TNFAIP6: variants seen among roughly 807,000 people sequenced by gnomAD.
TNFAIP6 encodes tumor necrosis factor-inducible gene 6 protein.
TNFAIP6 carries 36 observed loss-of-function variants against 33.7 expected under a neutral mutation model. That is an observed-to-expected ratio of 1.07 (90% CI 0.82 to 1.41). The LOEUF (loss-of-function observed/expected upper bound fraction) is 1.41, where lower values mean the gene tolerates loss of function less well. Among genes scored for constraint, TNFAIP6 ranks in the 40% most tolerant of loss-of-function variants. The probability of loss-of-function intolerance (pLI) is 0.00; values close to 1 mark genes in which losing one functional copy is unlikely to be tolerated. For missense variants in TNFAIP6, 273 were observed against 331.9 expected, an observed-to-expected ratio of 0.82 and a Z score of 1.38; for synonymous variants, 113 against 112.8, an observed-to-expected ratio of 1.00 and a Z score of -0.01.
chr2:151,362,146 A>G (rs914767593), intron 1 of TNFAIP6, among the ~76,000 whole-genome samples: 1 of 152,252 alleles, frequency 6.6e-6, no homozygotes, highest in Non-Finnish European at 1.5e-5. Flanking sequence ...TAGAACTATT[A>G]GAGCTAACTA....
chr2:151,379,443 T>C lies in TNFAIP6; in HGVS notation c.744T>C (p.Asp248=), dbSNP rs759178176. 4 of 1,608,596 alleles carry C rather than the reference T, an allele frequency of 2.5e-6. No individual in the cohort carries two copies. The South Asian group carries it at 3.3e-5, about 13-fold the overall frequency. Residue 248 remains aspartate, a synonymous_variant, in exon 6 of 6, where the codon GAT becomes GAC. Coordinates refer to ENST00000243347, the MANE Select transcript of TNFAIP6 (RefSeq NM_007115.4). ...GGFQIKYVAM[D]PVSKSSQGKN... is the part of the protein sequence containing the mutation. Reference sequence around the variant, plus strand: ...TCCAAATCAAATATGTTGCAATGGATCCTGTATCCAAATCCAGTCAAGGAA... The same window carrying C: ...TCCAAATCAAATATGTTGCAATGGACCCTGTATCCAAATCCAGTCAAGGAA...
intron 2 of TNFAIP6, among the ~76,000 whole-genome samples, chr2:151,364,381 C>T (rs1684677868): frequency 6.6e-6 from 1 of 152,120 alleles, no homozygotes; most frequent in Non-Finnish European, 1.5e-5. Context: ...AATGCCATTG[C>T]TATTCTTTTT....
chr2:151,378,772 A>T (rs1684963133), intron 5 of TNFAIP6, among the ~76,000 whole-genome samples: 2 of 148,958 alleles, frequency 1.3e-5, no homozygotes, highest in Admixed American at 1.3e-4. Context: ...TACAGGCGTG[A>T]CCCACCAGGC....
intron 5 of TNFAIP6, among the ~76,000 whole-genome samples, chr2:151,378,492 T>C (rs1228509017): frequency 4.0e-5 from 4 of 99,390 alleles, no homozygotes; most frequent in African/African-American, 1.7e-4. Context: ...GAGTATCTTC[T>C]TTTTTTTTTT....
At chr2:151,377,475 G>GTGTT (rs5835362) in intron 5 of TNFAIP6, among the ~76,000 whole-genome samples, 76 of 151,034 alleles carry the variant, frequency 5.0e-4, no homozygotes, top group Admixed American at 2.2e-3. Context: ...GGCCATTTTT[G>GTGTT]TGTTTGTTTG....
chr2:151,369,944 G>C (rs1419678195), intron 3 of TNFAIP6, 76 bp from the exon 4 acceptor site: 4 of 1,140,426 alleles, frequency 3.5e-6, no homozygotes, highest in Admixed American at 2.2e-5. Context: ...AGATTGCTAA[G>C]AAATGTCATT....
At chr2:151,360,668 C>G in intron 1 of TNFAIP6, among the ~76,000 whole-genome samples, 1 of 152,084 alleles carries the variant, frequency 6.6e-6, no homozygotes, top group Non-Finnish European at 1.5e-5. Flanking sequence ...GTACATACTC[C>G]AAGAGTTCTC....
intron 1 of TNFAIP6, among the ~76,000 whole-genome samples, chr2:151,359,534 A>G (rs28575212): frequency 0.18 from 27,953 of 151,592 alleles, 2,981 homozygotes; most frequent in African/African-American, 0.3. Flanking sequence ...GACTACAGGC[A>G]CCCGCCACCA....
chr2:151,380,220 AT>A (rs997333247), downstream of TNFAIP6, among the ~76,000 whole-genome samples: 28 of 151,506 alleles, frequency 1.8e-4, no homozygotes, highest in Admixed American at 6.6e-4. Context: ...TTTTTTGTTA[AT>A]TTTTTTTGTG....
chr2:151,366,282 A>G, intron 3 of TNFAIP6, 65 bp downstream of exon 3: 1 of 1,437,244 alleles, frequency 7.0e-7, no homozygotes, highest in Non-Finnish European at 9.5e-7. Context: ...AGGTTGTTAA[A>G]AAAGAAATGG....
At chr2:151,371,035 C>T (rs550946445) in intron 4 of TNFAIP6, among the ~76,000 whole-genome samples, 17 of 151,654 alleles carry the variant, frequency 1.1e-4, no homozygotes, top group African/African-American at 3.9e-4. Flanking sequence ...TGCACCACTG[C>T]ACTCTAGCCT....
intron 3 of TNFAIP6, among the ~76,000 whole-genome samples, chr2:151,367,505 C>T (rs1023548481): frequency 3.3e-5 from 5 of 152,066 alleles, no homozygotes; most frequent in Non-Finnish European, 7.4e-5. Flanking sequence ...ATTCTTCTTT[C>T]ACTTGATAAA....
rs1197621854 is a variant in TNFAIP6, at chr2:151,367,187, A to G, written c.394+970A>G. The stretch of plus-strand genomic sequence containing the variant: ...TTTCTCATGTCTGTAACTAACCTAT[A>G]TCTCAAAATTATGTGTAGTCCAAGT... On this transcript the variant is annotated intron_variant, in intron 3 of 5. Coordinates refer to ENST00000243347, the MANE Select transcript of TNFAIP6 (RefSeq NM_007115.4). Among the ~76,000 whole-genome samples, 6 of 152,164 alleles carry G rather than the reference A, an allele frequency of 3.9e-5. No individual in the cohort carries two copies. In the South Asian group the frequency reaches 8.3e-4, roughly 21 times the overall value.
At chr2:151,380,471 A>G (rs1215993237), downstream of TNFAIP6, among the ~76,000 whole-genome samples, 1 of 152,200 alleles carries the variant, frequency 6.6e-6, no homozygotes, top group Non-Finnish European at 1.5e-5. Context: ...TAGGACTGTC[A>G]AAAGACAAAA....
chr2:151,369,219 G>A (rs1684769707), intron 3 of TNFAIP6, among the ~76,000 whole-genome samples: 1 of 152,048 alleles, frequency 6.6e-6, no homozygotes, highest in Non-Finnish European at 1.5e-5. Context: ...AAATAGGCGT[G>A]TGCACAAAAG....
intron 1 of TNFAIP6, among the ~76,000 whole-genome samples, chr2:151,362,480 CTTTTTTTTTTTTT>C (rs34640251): frequency 1.2e-4 from 7 of 56,944 alleles, no homozygotes; most frequent in Admixed American, 5.2e-4. Context: ...TTACTAAATT[CTTTTTTTTTTTTT>C]TTTTTTTTTT....
At position 151,379,344 on chromosome 2, in the gene TNFAIP6, T is replaced by C. The variant is rs756624860; in HGVS notation, c.665-20T>C. 6.3e-7 allele frequency: 1 copy of C among 1,575,640 alleles called. No individual in the cohort carries two copies. Among genetic ancestry groups the C allele is most frequent in the Non-Finnish European group, 8.6e-7 (1 of 1,167,188 alleles). ...AAGGAGAGTAACATCTTTGTTCTTT[T>C]GCCTCCTTCCCCGCAACAGGAAATG... On this transcript the variant is annotated intron_variant, in intron 5 of 5. Transcript: ENST00000243347.
intron 4 of TNFAIP6, among the ~76,000 whole-genome samples, 163 bp downstream of exon 4, chr2:151,370,411 C>A (rs1684796798): frequency 6.6e-6 from 1 of 152,194 alleles, no homozygotes; most frequent in South Asian, 2.1e-4. Context: ...TAGCTGGCTG[C>A]TACAACATAC....
chr2:151,368,581 C>A (rs947498508), intron 3 of TNFAIP6, among the ~76,000 whole-genome samples: 2 of 151,524 alleles, frequency 1.3e-5, no homozygotes, highest in African/African-American at 4.8e-5. Context: ...ATATTGAAAT[C>A]TGTTAAATGA....
Sources: allele counts gnomAD v4.1 joint callset (sites outside exome capture counted in the v4.1 genomes callset), GRCh38; gene constraint gnomAD v4.1.1; transcripts MANE v1.5; gene names NCBI Gene and HGNC (gene_info 2026-07-23, HGNC 2026-07-21).